The following ZNF584 variants were observed in gnomAD, a reference collection of about 807,000 sequenced individuals.
The protein encoded by ZNF584 is zinc finger protein 584.
In ZNF584, 12 loss-of-function variants were observed where a neutral mutation model predicts 14.7. The observed-to-expected ratio is 0.82, with a 90% CI of 0.52 to 1.32. ZNF584 has a LOEUF of 1.32. ZNF584 is among the 40% of genes most tolerant of loss of function. The pLI, the probability that ZNF584 is intolerant of heterozygous loss-of-function variation, is 0.00. For synonymous variants in ZNF584, 204 were observed against 190.9 expected, an observed-to-expected ratio of 1.07 and a Z score of -0.57; for missense variants, 478 against 518.8, an observed-to-expected ratio of 0.92 and a Z score of 0.76.
intron 2 of ZNF584, among the ~76,000 whole-genome samples, chr19:58,414,934 C>A (rs1197931656): frequency 2.0e-5 from 3 of 151,934 alleles, no homozygotes; most frequent in African/African-American, 4.8e-5. Context: ...GCACTGTCGC[C>A]CAGGCTGGAG....
chr19:58,414,809 T>G (rs1249416728), intron 2 of ZNF584, among the ~76,000 whole-genome samples: 1 of 152,170 alleles, frequency 6.6e-6, no homozygotes, highest in Non-Finnish European at 1.5e-5. Flanking sequence ...GGTGGGAAAT[T>G]ACAATCGTTA....
upstream of ZNF584, among the ~76,000 whole-genome samples, chr19:58,407,873 AC>A (rs2052487635): frequency 6.6e-6 from 1 of 151,640 alleles, no homozygotes; most frequent in Non-Finnish European, 1.5e-5. Flanking sequence ...TCAGCCATGT[AC>A]TCACTCTCCT....
chr19:58,414,580 G>A (rs2122236485), intron 2 of ZNF584, among the ~76,000 whole-genome samples: 1 of 152,022 alleles, frequency 6.6e-6, no homozygotes, highest in South Asian at 2.1e-4. Context: ...CTGACCTCAT[G>A]ATCTGCCCGT....
upstream of ZNF584, chr19:58,406,561 T>A (rs1435946895): frequency 2.0e-5 from 3 of 152,250 alleles, no homozygotes; most frequent in African/African-American, 7.2e-5. Context: ...GCTAGTGACC[T>A]TGGTACCCAG....
chr19:58,410,542 T>TTTTTTTTTTTTTTTTTTTTTTTTTTTTC (rs1568584343), intron 2 of ZNF584, among the ~76,000 whole-genome samples: 1 of 15,376 alleles, frequency 6.5e-5, no homozygotes. Context: ...TATATATATA[T>TTTTTTTTTTTTTTTTTTTTTTTTTTTTC]ATATATATAT....
chr19:58,406,401 T>G, upstream of ZNF584: 1 of 146,032 alleles, frequency 6.8e-6, no homozygotes, highest in Non-Finnish European at 1.5e-5. Flanking sequence ...TCAAGAACGA[T>G]TTGAGGATAT....
upstream of ZNF584, among the ~76,000 whole-genome samples, chr19:58,407,779 T>C (rs937672964): frequency 6.6e-6 from 1 of 152,160 alleles, no homozygotes. Flanking sequence ...CGCGTCTGAA[T>C]TCAGCGGAGG....
chr19:58,402,211 T>C (rs946318612), intron 1 of ZNF584, among the ~76,000 whole-genome samples: 1 of 152,024 alleles, frequency 6.6e-6, no homozygotes, highest in Non-Finnish European at 1.5e-5. Context: ...TAGGCTAGAG[T>C]TCGCACTGGC....
intron 2 of ZNF584, among the ~76,000 whole-genome samples, chr19:58,414,594 G>A (rs1220690468): frequency 1.3e-5 from 2 of 151,688 alleles, no homozygotes; most frequent in Non-Finnish European, 1.5e-5. Context: ...TGCCCGTCTC[G>A]GCCTCCCAAA....
intron 1 of ZNF584, among the ~76,000 whole-genome samples, chr19:58,402,331 G>A (rs1292353573): frequency 6.6e-6 from 1 of 152,156 alleles, no homozygotes; most frequent in Non-Finnish European, 1.5e-5. Flanking sequence ...GGGAGAAGAA[G>A]TGCCCAAGAG....
chr19:58,410,595 ATATATATGTATATATATGTG>A lies in ZNF584; in HGVS notation c.169+514_169+533del, dbSNP rs1568584589. Among the ~76,000 whole-genome samples, 79 of 35,082 alleles carry A rather than the reference ATATATATGTATATATATGTG, an allele frequency of 2.3e-3. 3 individuals carry two copies. The highest frequency in any genetic ancestry group is 0.013 in the South Asian group (20 of 1,516). 23.0% of individuals were successfully genotyped at this position (35,082 alleles called of 152,430 possible). A position where few individuals can be genotyped will look rare whatever the true frequency, so the allele number is the denominator to read the frequency against. On this transcript the variant is annotated intron_variant, in intron 2 of 3. Transcript: ENST00000306910. ...TATGTATATATATGTATATATATGT[ATATATATGTATATATATGTG>A]TATATATGTGTATATATGTGTATAT...
intron 2 of ZNF584, among the ~76,000 whole-genome samples, chr19:58,412,808 T>C (rs1453312113): frequency 1.3e-5 from 2 of 152,208 alleles, no homozygotes; most frequent in African/African-American, 4.8e-5. Flanking sequence ...GGAATGTTTT[T>C]TAATAACAAC....
At chr19:58,414,658 C>T (rs1385394858) in intron 2 of ZNF584, among the ~76,000 whole-genome samples, 1 of 151,820 alleles carries the variant, frequency 6.6e-6, no homozygotes, top group African/African-American at 2.4e-5. Context: ...TATTTTATAT[C>T]CTAGCAAATG....
chr19:58,415,934 T>C, intron 3 of ZNF584: 1 of 1,596,806 alleles, frequency 6.3e-7, no homozygotes, highest in Non-Finnish European at 8.5e-7. Context: ...CACATATCCT[T>C]AAACAGGTAT....
chr19:58,402,494 A>C (rs1284236316), intron 1 of ZNF584, among the ~76,000 whole-genome samples: 2 of 152,230 alleles, frequency 1.3e-5, no homozygotes, highest in Non-Finnish European at 2.9e-5. Flanking sequence ...TTTTTAAAAA[A>C]CAATTTACAT....
At chr19:58,413,218 AAGTT>A (rs1257903159) in intron 2 of ZNF584, among the ~76,000 whole-genome samples, 1 of 151,944 alleles carries the variant, frequency 6.6e-6, no homozygotes, top group African/African-American at 2.4e-5. Context: ...TTGAGGTATA[AAGTT>A]AGGTTATTGG....
chr19:58,405,103 C>T (rs1169512147), upstream of ZNF584: 16 of 144,706 alleles, frequency 1.1e-4, no homozygotes, highest in African/African-American at 4.3e-4. Flanking sequence ...CTCCTCACTT[C>T]CCAGTAGGGG....
At chr19:58,408,493 A>C (rs1401574791), upstream of ZNF584, 1 of 151,066 alleles carries the variant, frequency 6.6e-6, no homozygotes, top group Non-Finnish European at 1.5e-5. Context: ...CCAGCGCCGA[A>C]AGCCGACGCC....
chr19:58,414,962 A>G (rs1452991830), intron 2 of ZNF584, among the ~76,000 whole-genome samples: 2 of 151,124 alleles, frequency 1.3e-5, no homozygotes, highest in South Asian at 4.2e-4. Context: ...GTGTGATCTC[A>G]GCTCACTGCA....
Sources: allele counts gnomAD v4.1 joint callset (sites outside exome capture counted in the v4.1 genomes callset), GRCh38; gene constraint gnomAD v4.1.1; transcripts MANE v1.5; gene names NCBI Gene and HGNC (gene_info 2026-07-23, HGNC 2026-07-21).